TRMT11: variants seen among roughly 807,000 people sequenced by gnomAD.
TRMT11 encodes the protein tRNA (guanine(10)-N(2))-methyltransferase TRMT11.
Under a neutral mutation model 62.8 loss-of-function variants are expected in TRMT11, and 53 were observed. The observed-to-expected ratio is 0.84, with a 90% CI of 0.68 to 1.06. The LOEUF is 1.06. Ranked by LOEUF, TRMT11 falls within the 50% of genes least tolerant of loss-of-function variation. The pLI, the probability that TRMT11 is intolerant of heterozygous loss-of-function variation, is 0.00. For missense variants in TRMT11, 556 were observed against 553.4 expected (o/e 1.00, Z -0.05); for synonymous variants, 188 against 190.3 (o/e 0.99, Z 0.10).
chr6:126,152,597 A>C (rs1205691521), intron 21 of TRMT11, among the ~76,000 whole-genome samples: 1 of 152,188 alleles, frequency 6.6e-6, no homozygotes, highest in Non-Finnish European at 1.5e-5. Flanking sequence ...GATTACAACT[A>C]ATACAGAGAT....
intron 21 of TRMT11, among the ~76,000 whole-genome samples, chr6:126,134,196 A>G (rs1220271715): frequency 6.6e-6 from 1 of 151,976 alleles, no homozygotes; most frequent in African/African-American, 2.4e-5. Context: ...GTCACTTAAA[A>G]GACAGTATGG....
rs13205866 is a variant in TRMT11, at chr6:126,163,287, G to A, written c.*1824-11538G>A. 5.3e-3 allele frequency among the ~76,000 whole-genome samples: 803 copies of A among 152,110 alleles called. 2 individuals are homozygous for A. The highest frequency in any genetic ancestry group is 9.1e-3 in the Non-Finnish European group (616 of 67,988). On this transcript the variant is annotated intron_variant and NMD_transcript_variant, in intron 21 of 22. Transcript: ENST00000648977. ...GCGTGAAGGGGTGTTGAATTTTATC[G>A]AAGGCCTTTTCTGCATCTATTGAGA...
chr6:126,208,867 A>G, the TRMT11 span, among the ~76,000 whole-genome samples: 1 of 152,260 alleles, frequency 6.6e-6, no homozygotes, highest in Non-Finnish European at 1.5e-5. Context: ...GAGTGCCCAC[A>G]TACGCCTAAA....
At chr6:126,071,178 A>G (rs1776841992) in intron 17 of TRMT11, among the ~76,000 whole-genome samples, 1 of 152,174 alleles carries the variant, frequency 6.6e-6, no homozygotes, top group South Asian at 2.1e-4. Context: ...ACTCTCAGTG[A>G]AAACTGGTTA....
chr6:126,006,761 T>G (rs1418484379), intron 7 of TRMT11: 1 of 151,944 alleles, frequency 6.6e-6, no homozygotes, highest in African/African-American at 2.4e-5. Context: ...TATTATGATT[T>G]TATTTAAAAA....
chr6:126,093,631 A>ATATATTTTTTTTTTTTTT (rs1554236842), intron 17 of TRMT11, among the ~76,000 whole-genome samples: 23 of 98,010 alleles, frequency 2.3e-4, no homozygotes, highest in African/African-American at 9.6e-4. Flanking sequence ...ATATATATAT[A>ATATATTTTTTTTTTTTTT]TTTTCCCCCA....
At chr6:126,197,611 T>G (rs1244994437) in intron 1 of TRMT11, among the ~76,000 whole-genome samples, 1 of 152,218 alleles carries the variant, frequency 6.6e-6, no homozygotes, top group Non-Finnish European at 1.5e-5. Flanking sequence ...TCTTTTATTT[T>G]CACTACGTAT....
At chr6:126,232,647 C>A in the TRMT11 span, among the ~76,000 whole-genome samples, 2 of 152,136 alleles carry the variant, frequency 1.3e-5, no homozygotes, top group Non-Finnish European at 2.9e-5. Flanking sequence ...GAAGCAACTG[C>A]GTCTGTTTCT....
rs370070720 is a variant in TRMT11 at position 126,006,651 on chromosome 6, A to G, written c.680-1741A>G. On this transcript the variant is annotated intron_variant, in intron 7 of 12. Coordinates refer to ENST00000334379, the MANE Select transcript of TRMT11 (RefSeq NM_001031712.3). ...CAAAAAGATCCCCTAAAAAACTCCA[A>G]CTGAGGTATAGCTAAATGTAAAAAG... Among the ~76,000 whole-genome samples, 5 of 151,852 alleles carry G rather than the reference A, an allele frequency of 3.3e-5. No homozygotes were observed. In the East Asian group the frequency reaches 7.7e-4, roughly 23 times the overall value.
intron 17 of TRMT11, among the ~76,000 whole-genome samples, chr6:126,106,014 T>C (rs1777460498): frequency 1.3e-5 from 2 of 152,212 alleles, no homozygotes; most frequent in African/African-American, 4.8e-5. Flanking sequence ...AGGTGCTCAA[T>C]ACATAATTGT....
At chr6:126,137,313 A>G (rs1445830785) in intron 21 of TRMT11, among the ~76,000 whole-genome samples, 1 of 151,688 alleles carries the variant, frequency 6.6e-6, no homozygotes, top group Non-Finnish European at 1.5e-5. Context: ...AGCAAGCAAG[A>G]AAAAAAATCT....
chr6:125,995,701 C>T (rs530884479), intron 2 of TRMT11, among the ~76,000 whole-genome samples: 160 of 152,190 alleles, frequency 1.1e-3, no homozygotes, highest in African/African-American at 3.6e-3. Flanking sequence ...TAATTCCTTT[C>T]GTAAAGCTAC....
chr6:126,147,093 T>G lies in TRMT11; in HGVS notation c.*1824-27732T>G, dbSNP rs1777982677. Among the ~76,000 whole-genome samples, 2 of 38,562 alleles carry G rather than the reference T, an allele frequency of 5.2e-5. 1 individual carries two copies. Among genetic ancestry groups the G allele is most frequent in the Admixed American group, 3.6e-4 (2 of 5,626 alleles). The allele number at this position is 38,562 out of a possible 152,430, so 25.3% of individuals were successfully genotyped here. The stretch of plus-strand genomic sequence containing the variant: ...GGATAAGATGACCTTCCTGAAGAGG[T>G]GAGGATTGAATTGGGCCTGGAAGAG... On this transcript the variant is annotated intron_variant and NMD_transcript_variant, in intron 21 of 22. Transcript: ENST00000648977.
At chr6:126,007,238 A>G (rs914917536) in intron 7 of TRMT11, among the ~76,000 whole-genome samples, 1 of 151,992 alleles carries the variant, frequency 6.6e-6, no homozygotes. Flanking sequence ...TATTTTCATG[A>G]ACAAAGTATT....
chr6:126,267,406 T>C, the TRMT11 span, among the ~76,000 whole-genome samples: 2 of 152,206 alleles, frequency 1.3e-5, no homozygotes, highest in Admixed American at 6.5e-5. Context: ...TGGTCCAATA[T>C]GGGCCACCCA....
At chr6:126,122,970 C>T (rs942947597) in intron 21 of TRMT11, among the ~76,000 whole-genome samples, 1 of 152,076 alleles carries the variant, frequency 6.6e-6, no homozygotes, top group Non-Finnish European at 1.5e-5. Context: ...ATAATTAAAG[C>T]ATAACTTACT....
At chr6:126,183,513 A>G (rs192051855) in intron 1 of TRMT11, among the ~76,000 whole-genome samples, 1 of 152,318 alleles carries the variant, frequency 6.6e-6, no homozygotes, top group African/African-American at 2.4e-5. Context: ...AAAGGATTTC[A>G]GATAGCCTCA....
At chr6:126,222,546 G>A in the TRMT11 span, among the ~76,000 whole-genome samples, 1 of 151,760 alleles carries the variant, frequency 6.6e-6, no homozygotes, top group Non-Finnish European at 1.5e-5. Context: ...CACCTTCTCG[G>A]TTAGCTGCAT....
downstream of TRMT11, among the ~76,000 whole-genome samples, chr6:126,044,062 G>C (rs1775970536): frequency 6.6e-6 from 1 of 151,524 alleles, no homozygotes. Context: ...AGTTTAATTA[G>C]ATCCCATTTG....
Sources: gnomAD v4.1 joint callset for allele counts (sites outside exome capture counted in the v4.1 genomes callset) on GRCh38, gnomAD v4.1.1 for gene constraint, MANE v1.5 for transcripts, NCBI Gene and HGNC (gene_info 2026-07-23, HGNC 2026-07-21) for gene names.